The following PPFIA2 variants were observed in gnomAD, a reference collection of about 807,000 sequenced individuals.
PPFIA2 encodes liprin-alpha-2.
PPFIA2 carries 46 observed loss-of-function variants against 175.5 expected under a neutral mutation model. The ratio of observed to expected loss-of-function variants is 0.26; its 90% CI spans 0.21 to 0.34. The LOEUF (loss-of-function observed/expected upper bound fraction) is 0.34. PPFIA2 is among the 10% of genes least tolerant of loss of function. The pLI is 1.00. For synonymous variants in PPFIA2, 568 were observed against 511.4 expected, an observed-to-expected ratio of 1.11 and a Z score of -1.49; for missense variants, 1,179 against 1,506.1, an observed-to-expected ratio of 0.78 and a Z score of 3.60.
intron 16 of PPFIA2, among the ~76,000 whole-genome samples, chr12:81,356,845 A>G (rs2060930832): frequency 6.6e-6 from 1 of 152,176 alleles, no homozygotes; most frequent in African/African-American, 2.4e-5. Flanking sequence ...ACAATAAAGC[A>G]AAGCACAGTA....
At chr12:81,721,561 T>C (rs540832278) in intron 3 of PPFIA2, among the ~76,000 whole-genome samples, 21 of 151,458 alleles carry the variant, frequency 1.4e-4, no homozygotes, top group African/African-American at 5.1e-4. Context: ...AGACATGATT[T>C]CAAAAGAATT....
intron 4 of PPFIA2, among the ~76,000 whole-genome samples, chr12:81,615,060 C>T (rs1290877895): frequency 2.0e-5 from 3 of 152,094 alleles, no homozygotes; most frequent in African/African-American, 7.2e-5. Flanking sequence ...TGATTTCATA[C>T]ATAAAACAAT....
chr12:81,334,841 T>C (rs1213295280), intron 21 of PPFIA2, among the ~76,000 whole-genome samples: 1 of 152,230 alleles, frequency 6.6e-6, no homozygotes, highest in African/African-American at 2.4e-5. Context: ...TATTCTCACT[T>C]TCCAATTTTT....
intron 4 of PPFIA2, among the ~76,000 whole-genome samples, chr12:81,489,632 T>C (rs188892692): frequency 1.8e-3 from 270 of 152,076 alleles, no homozygotes; most frequent in African/African-American, 6.2e-3. Context: ...TCATTTTCAC[T>C]TGAAATGATG....
chr12:81,400,628 T>C (rs751494884), intron 8 of PPFIA2, among the ~76,000 whole-genome samples: 1 of 152,208 alleles, frequency 6.6e-6, no homozygotes, highest in African/African-American at 2.4e-5. Flanking sequence ...CATTTCCATA[T>C]TACTGTTGCT....
At chr12:81,496,793 A>G (rs1397645996) in intron 4 of PPFIA2, among the ~76,000 whole-genome samples, 5 of 152,206 alleles carry the variant, frequency 3.3e-5, no homozygotes, top group Admixed American at 1.3e-4. Context: ...ATGTTGTTAC[A>G]TTTATATGAG....
chr12:81,402,469 A>G (rs2142794087), intron 8 of PPFIA2, among the ~76,000 whole-genome samples: 1 of 152,278 alleles, frequency 6.6e-6, no homozygotes, highest in African/African-American at 2.4e-5. Flanking sequence ...CTATAATATT[A>G]TATGTGTGTA....
At chr12:81,720,831 T>A (rs1000247217) in intron 3 of PPFIA2, among the ~76,000 whole-genome samples, 23 of 151,462 alleles carry the variant, frequency 1.5e-4, no homozygotes, top group African/African-American at 5.3e-4. Context: ...TTTTGTTTGT[T>A]TTTTTGGCTT....
chr12:81,384,908 G>A (rs1407456518), intron 8 of PPFIA2, among the ~76,000 whole-genome samples: 7 of 152,028 alleles, frequency 4.6e-5, no homozygotes, highest in Non-Finnish European at 8.8e-5. Flanking sequence ...TCTTCTTTCC[G>A]AAAGGACTGC....
At chr12:81,619,569 TTAAG>T (rs560333429) in intron 4 of PPFIA2, among the ~76,000 whole-genome samples, 37 of 152,222 alleles carry the variant, frequency 2.4e-4, no homozygotes, top group African/African-American at 8.2e-4. Context: ...AACAATAAAT[TTAAG>T]TAAGATCTTC....
intron 5 of PPFIA2, among the ~76,000 whole-genome samples, chr12:81,456,893 G>A (rs1055108723): frequency 3.3e-5 from 5 of 151,832 alleles, no homozygotes; most frequent in Non-Finnish European, 7.4e-5. Context: ...TATCATGGCT[G>A]GACATTCCCT....
chr12:81,478,878 A>C (rs569053490), intron 4 of PPFIA2, among the ~76,000 whole-genome samples: 1 of 152,188 alleles, frequency 6.6e-6, no homozygotes, highest in Non-Finnish European at 1.5e-5. Flanking sequence ...TGGTGCTGAG[A>C]AGAATGTATA....
intron 3 of PPFIA2, among the ~76,000 whole-genome samples, chr12:81,708,145 A>T (rs1422310656): frequency 6.6e-6 from 1 of 152,130 alleles, no homozygotes; most frequent in Non-Finnish European, 1.5e-5. Flanking sequence ...CATATTGTGC[A>T]CATGTACCCT....
At chr12:81,281,526 A>T in intron 26 of PPFIA2, 76 bp from the exon 27 acceptor site, 1 of 942,710 alleles carries the variant, frequency 1.1e-6, no homozygotes, top group African/African-American at 1.7e-5. Context: ...ACCTATTATT[A>T]TAACTGATAT....
At chr12:81,613,758 G>C (rs2061165461) in intron 4 of PPFIA2, among the ~76,000 whole-genome samples, 1 of 152,094 alleles carries the variant, frequency 6.6e-6, no homozygotes, top group African/African-American at 2.4e-5. Context: ...GCATAGCATG[G>C]AGTTGGTATT....
chr12:81,696,448 G>C (rs1407516973), intron 3 of PPFIA2, among the ~76,000 whole-genome samples: 2 of 152,160 alleles, frequency 1.3e-5, no homozygotes, highest in Admixed American at 6.6e-5. Flanking sequence ...GGGACCCAGT[G>C]AAGGGTGAGG....
At chr12:81,436,957 C>G (rs1027338186) in intron 7 of PPFIA2, among the ~76,000 whole-genome samples, 1 of 152,150 alleles carries the variant, frequency 6.6e-6, no homozygotes, top group East Asian at 1.9e-4. Flanking sequence ...GCAAGTGACT[C>G]TTATTTGTAC....
chr12:81,605,880 G>A (rs1047173634), intron 4 of PPFIA2, among the ~76,000 whole-genome samples: 23 of 151,884 alleles, frequency 1.5e-4, no homozygotes, highest in African/African-American at 5.3e-4. Context: ...GATTCAGGGG[G>A]TACATGTGCA....
chr12:81,362,187 C>CTT (rs575395578), intron 15 of PPFIA2, among the ~76,000 whole-genome samples: 11 of 140,668 alleles, frequency 7.8e-5, no homozygotes, highest in Admixed American at 3.6e-4. Flanking sequence ...CTCTTTTCCT[C>CTT]TTTTTTTTTT....
Sources: gnomAD v4.1 joint callset for allele counts (sites outside exome capture counted in the v4.1 genomes callset) on GRCh38, gnomAD v4.1.1 for gene constraint, MANE v1.5 for transcripts, NCBI Gene and HGNC (gene_info 2026-07-23, HGNC 2026-07-21) for gene names.